The following HIRA variants were observed in gnomAD, a reference collection of about 807,000 sequenced individuals.
HIRA encodes protein HIRA.
A neutral mutation model predicts 126.6 loss-of-function variants in HIRA; 13 were observed. That is an observed-to-expected ratio of 0.10 (90% confidence interval 0.07 to 0.16). The LOEUF (loss-of-function observed/expected upper bound fraction) is 0.16, where lower values mean the gene tolerates loss of function less well. Among genes scored for constraint, HIRA ranks in the 10% least tolerant of loss-of-function variants. HIRA has a pLI of 1.00. For missense variants in HIRA, 834 were observed against 1,314.4 expected (o/e 0.63, Z 5.65); for synonymous variants, 511 against 520.0 (o/e 0.98, Z 0.24).
rs201137277 is a variant in HIRA at position 19,377,905 on chromosome 22, C to A, written c.1577G>T (p.Ser526Ile). ...GACAGAATCGCCTGCAGGTCTGGCA[C>A]TGGCAGCCACCACAGGCTCTGTGCA... ...KPCTEPVVAA[S>I]ARPAGDSVNK... The change falls in exon 14 of 25, where the codon AGT becomes ATT. Residue 526 changes from serine (S) to isoleucine (I), a missense_variant. Physicochemically the swap from Ser to Ile is moderately radical, Grantham distance 142. Coordinates refer to ENST00000263208, the MANE Select transcript of HIRA (RefSeq NM_003325.4). 2 of 1,613,140 alleles carry A rather than the reference C, an allele frequency of 1.2e-6. No homozygotes were observed. Among genetic ancestry groups the A allele is most frequent in the East Asian group, 2.2e-5 (1 of 44,832 alleles).
intron 15 of HIRA, among the ~76,000 whole-genome samples, chr22:19,364,233 G>A (rs1336547430): frequency 1.3e-5 from 2 of 151,970 alleles, no homozygotes; most frequent in Admixed American, 6.6e-5. Context: ...GTGTAGTTAC[G>A]TAAGCAAAGC....
intron 2 of HIRA, among the ~76,000 whole-genome samples, chr22:19,410,144 GCT>G (rs1373226427): frequency 4.6e-5 from 7 of 152,232 alleles, no homozygotes; most frequent in Admixed American, 4.6e-4. Flanking sequence ...ATGAAGAACA[GCT>G]CTGTCTTTCC....
chr22:19,372,008 T>C (rs1200740334), intron 15 of HIRA, among the ~76,000 whole-genome samples: 1 of 152,226 alleles, frequency 6.6e-6, no homozygotes, highest in Non-Finnish European at 1.5e-5. Flanking sequence ...GGTCAGATGA[T>C]AACTCTATAT....
At chr22:19,422,284 G>C (rs1439568493) in intron 1 of HIRA, among the ~76,000 whole-genome samples, 2 of 150,316 alleles carry the variant, frequency 1.3e-5, no homozygotes, top group Admixed American at 6.6e-5. Context: ...CACACACACA[G>C]AGTCTCCCCC....
intron 15 of HIRA, among the ~76,000 whole-genome samples, chr22:19,362,620 G>A (rs891754234): frequency 6.6e-6 from 1 of 151,908 alleles, no homozygotes; most frequent in African/African-American, 2.4e-5. Context: ...GAATGCAATG[G>A]TGTGATCTTG....
chr22:19,419,306 C>T (rs1395089611), intron 1 of HIRA, among the ~76,000 whole-genome samples: 4 of 152,164 alleles, frequency 2.6e-5, no homozygotes, highest in Non-Finnish European at 4.4e-5. Context: ...ACAATGGCCA[C>T]CCCGCCCCCA....
chr22:19,356,365 C>G, intron 19 of HIRA, 77 bp from the exon 20 acceptor site: 1 of 1,280,964 alleles, frequency 7.8e-7, no homozygotes, highest in Non-Finnish European at 1.1e-6. Context: ...GCTCAGACAC[C>G]CTGGCCCTAC....
intron 1 of HIRA, among the ~76,000 whole-genome samples, chr22:19,421,770 C>T (rs1282609876): frequency 6.6e-6 from 1 of 152,226 alleles, no homozygotes; most frequent in Non-Finnish European, 1.5e-5. Context: ...CTCTGGGTTT[C>T]AAGCAATTCT....
intron 4 of HIRA, among the ~76,000 whole-genome samples, 186 bp downstream of exon 4, chr22:19,406,998 G>A (rs2089313519): frequency 6.6e-6 from 1 of 152,168 alleles, no homozygotes; most frequent in Admixed American, 6.5e-5. Context: ...CTGTGAGGGG[G>A]CAGCTGACCA....
intron 17 of HIRA, among the ~76,000 whole-genome samples, chr22:19,359,970 CA>C (rs1280993540): frequency 6.6e-6 from 1 of 152,140 alleles, no homozygotes; most frequent in Non-Finnish European, 1.5e-5. Flanking sequence ...AGGGGCTCTC[CA>C]GTTCCTGTGG....
intron 1 of HIRA, among the ~76,000 whole-genome samples, chr22:19,420,529 A>G: frequency 6.6e-6 from 1 of 151,970 alleles, no homozygotes. Flanking sequence ...CCAAAAAACA[A>G]AAAAGTTTTG....
At chr22:19,399,696 G>A (rs890086419) in intron 5 of HIRA, among the ~76,000 whole-genome samples, 1 of 152,156 alleles carries the variant, frequency 6.6e-6, no homozygotes, top group Non-Finnish European at 1.5e-5. Flanking sequence ...ATTTCTACAT[G>A]CAGACTGTTT....
rs1569306931 is a variant in HIRA, at chr22:19,398,052, A to G, written c.433T>C (p.Trp145Arg). ...MDVAWSPHDA[W>R]LASCSVDNTV... is the part of the protein sequence containing the mutation. ...TTATCCACGCTGCATGAGGCTAGCC[A>G]GGCATCGTGGGGAGACCATGCTACA... Residue 145 changes from tryptophan (W) to arginine (R), a missense_variant, in exon 6 of 25, where the codon TGG becomes CGG. This residue lies in a region of HIRA where 102 missense variants were observed against 191.4 expected (regional missense o/e 0.53). Transcript: ENST00000263208. 5.6e-6 allele frequency: 9 copies of G among 1,614,112 alleles called. No homozygotes were observed. The highest frequency in any genetic ancestry group is 7.6e-6 in the Non-Finnish European group (9 of 1,179,984).
At position 19,388,557 on chromosome 22, in the gene HIRA, G is replaced by A; in HGVS notation, c.937-3C>T. Reference sequence around the variant, plus strand: ...AGCGGCCGTTTCAGACATGTGAGCTGGAAGGAAAGACACAGTCAAGGTTAA... The same window carrying A: ...AGCGGCCGTTTCAGACATGTGAGCTAGAAGGAAAGACACAGTCAAGGTTAA... On this transcript the variant is annotated splice_polypyrimidine_tract_variant and splice_region_variant and intron_variant, in intron 9 of 24. Transcript: ENST00000263208. The A allele has an allele frequency of 6.2e-7, 1 of 1,611,220 alleles. No individual in the cohort carries two copies.
intron 1 of HIRA, among the ~76,000 whole-genome samples, chr22:19,422,193 C>CACACACACAT (rs147313860): frequency 6.9e-6 from 1 of 145,552 alleles, no homozygotes; most frequent in African/African-American, 2.6e-5. Context: ...CACACACACA[C>CACACACACAT]ATACACATAT....
chr22:19,414,831 G>T (rs1017563240), intron 1 of HIRA, among the ~76,000 whole-genome samples: 1 of 152,208 alleles, frequency 6.6e-6, no homozygotes, highest in South Asian at 2.1e-4. Flanking sequence ...AGACCAGCCT[G>T]ACCAACAGGC....
chr22:19,421,655 G>C (rs2089447379), intron 1 of HIRA, among the ~76,000 whole-genome samples: 2 of 152,082 alleles, frequency 1.3e-5, no homozygotes, highest in South Asian at 4.1e-4. Context: ...TCATCCTTCT[G>C]TTCTCTCTTA....
At chr22:19,409,621 ACGAAG>A in intron 2 of HIRA, among the ~76,000 whole-genome samples, 1 of 152,274 alleles carries the variant, frequency 6.6e-6, no homozygotes, top group East Asian at 1.9e-4. Flanking sequence ...CTGATATCTA[ACGAAG>A]TTTAGCCCCT....
intron 24 of HIRA, 65 bp from the exon 25 acceptor site, chr22:19,331,621 C>T: frequency 6.9e-7 from 1 of 1,450,922 alleles, no homozygotes; most frequent in Non-Finnish European, 9.3e-7. Context: ...TGGGGACTTT[C>T]CTGGCCTGGC....
Sources: allele counts gnomAD v4.1 joint callset (sites outside exome capture counted in the v4.1 genomes callset), GRCh38; gene constraint gnomAD v4.1.1; regional missense constraint gnomAD v4.1.1; transcripts MANE v1.5; gene names NCBI Gene and HGNC (gene_info 2026-07-23, HGNC 2026-07-21).